EHD4: variants seen among roughly 807,000 people sequenced by gnomAD.
The protein encoded by EHD4 is EH domain-containing protein 4.
EHD4 carries 37 observed loss-of-function variants against 51.0 expected under a neutral mutation model. The observed-to-expected ratio is 0.73, with a 90% CI of 0.56 to 0.95. The LOEUF is 0.95. Among genes scored for constraint, EHD4 ranks in the 40% least tolerant of loss-of-function variants. The probability of loss-of-function intolerance (pLI) is 0.00; values close to 1 mark genes in which losing one functional copy is unlikely to be tolerated. For synonymous variants in EHD4, 297 were observed against 317.3 expected, an observed-to-expected ratio of 0.94 and a Z score of 0.68; for missense variants, 632 against 733.1, an observed-to-expected ratio of 0.86 and a Z score of 1.59.
chr15:41,919,131 C>T, intron 4 of EHD4, 79 bp downstream of exon 4: 1 of 1,573,256 alleles, frequency 6.4e-7, no homozygotes, highest in Non-Finnish European at 8.7e-7. Context: ...ACGAAGCCTC[C>T]TCCCACCCAT....
chr15:41,941,850 A>G (rs2140998694), intron 3 of EHD4: 1 of 152,310 alleles, frequency 6.6e-6, no homozygotes, highest in East Asian at 1.9e-4. Context: ...TCACTGGCCT[A>G]TGTAACTGCA....
At chr15:41,939,808 A>G (rs2067755396) in intron 3 of EHD4, among the ~76,000 whole-genome samples, 1 of 151,988 alleles carries the variant, frequency 6.6e-6, no homozygotes, top group South Asian at 2.1e-4. Flanking sequence ...AAAAAAAAAA[A>G]AAAAAGATTT....
chr15:41,946,477 C>T (rs1165093695), intron 2 of EHD4, among the ~76,000 whole-genome samples: 1 of 152,158 alleles, frequency 6.6e-6, no homozygotes, highest in Non-Finnish European at 1.5e-5. Flanking sequence ...TCCCTGTAAT[C>T]CCAGCACTTT....
At chr15:41,912,718 A>G (rs1416159482) in intron 4 of EHD4, among the ~76,000 whole-genome samples, 4 of 152,106 alleles carry the variant, frequency 2.6e-5, no homozygotes, top group African/African-American at 9.7e-5. Context: ...AAAATTCATC[A>G]AGTCACAAGG....
intron 1 of EHD4, among the ~76,000 whole-genome samples, chr15:41,965,643 A>G (rs1251072356): frequency 2.0e-5 from 3 of 152,192 alleles, no homozygotes; most frequent in Non-Finnish European, 4.4e-5. Context: ...GGGCCCTGGA[A>G]TCCGTGTCAA....
chr15:41,932,036 G>A (rs1021709937), intron 3 of EHD4, among the ~76,000 whole-genome samples: 4 of 151,872 alleles, frequency 2.6e-5, no homozygotes, highest in East Asian at 1.9e-4. Flanking sequence ...ATATTTGCAC[G>A]TTATCGTGCC....
chr15:41,929,101 T>C (rs956070556), intron 3 of EHD4, among the ~76,000 whole-genome samples: 8 of 152,182 alleles, frequency 5.3e-5, no homozygotes, highest in African/African-American at 1.9e-4. Flanking sequence ...TAGCCTAAAG[T>C]GGGTGTGGCC....
intron 2 of EHD4, among the ~76,000 whole-genome samples, chr15:41,952,998 C>CAAAAAAAAA (rs33930801): frequency 1.9e-4 from 13 of 69,088 alleles, no homozygotes; most frequent in Admixed American, 5.8e-4. Context: ...TTCCCCCCCG[C>CAAAAAAAAA]AAAAAAAAAA....
At chr15:41,947,419 T>C (rs1172265006) in intron 2 of EHD4, among the ~76,000 whole-genome samples, 1 of 152,182 alleles carries the variant, frequency 6.6e-6, no homozygotes, top group African/African-American at 2.4e-5. Context: ...CTCTGAGCAA[T>C]TCTACCAGGC....
intron 1 of EHD4, among the ~76,000 whole-genome samples, chr15:41,962,931 C>A (rs2067935405): frequency 6.6e-6 from 1 of 152,238 alleles, no homozygotes; most frequent in Non-Finnish European, 1.5e-5. Context: ...TAGGAGACTG[C>A]ATTTTGTTCT....
At chr15:41,967,571 C>T (rs927628701) in intron 1 of EHD4, among the ~76,000 whole-genome samples, 2 of 152,134 alleles carry the variant, frequency 1.3e-5, no homozygotes, top group African/African-American at 4.8e-5. Context: ...TTTTCAGGAG[C>T]CCCAGTATCT....
intron 3 of EHD4, among the ~76,000 whole-genome samples, chr15:41,934,309 GTTTT>G (rs145906559): frequency 7.1e-6 from 1 of 140,348 alleles, no homozygotes. Context: ...GTGCCAGGAA[GTTTT>G]TTTTTTTTTT....
At chr15:41,950,452 A>T (rs373250140) in intron 2 of EHD4, among the ~76,000 whole-genome samples, 17 of 152,244 alleles carry the variant, frequency 1.1e-4, no homozygotes, top group South Asian at 6.2e-4. Context: ...TAGGTGTTAC[A>T]TTTTGACCTA....
chr15:41,949,049 T>C (rs866823061), intron 2 of EHD4, among the ~76,000 whole-genome samples: 55 of 102,416 alleles, frequency 5.4e-4, no homozygotes, highest in South Asian at 3.6e-3. Context: ...TATATATATA[T>C]ATACACACAT....
intron 3 of EHD4, among the ~76,000 whole-genome samples, chr15:41,939,759 C>T (rs115420849): frequency 0.073 from 10,215 of 139,924 alleles, 413 homozygotes; most frequent in South Asian, 0.19. Flanking sequence ...CTCCATTGCA[C>T]TCCAGCTTTG....
intron 1 of EHD4, among the ~76,000 whole-genome samples, chr15:41,958,515 G>A (rs754824933): frequency 6.6e-6 from 1 of 151,850 alleles, no homozygotes; most frequent in Non-Finnish European, 1.5e-5. Flanking sequence ...TTTTTTCATT[G>A]CTTAGGCTAG....
intron 1 of EHD4, among the ~76,000 whole-genome samples, chr15:41,969,197 G>C (rs1486721906): frequency 6.6e-6 from 1 of 152,162 alleles, no homozygotes; most frequent in African/African-American, 2.4e-5. Flanking sequence ...ATTAGAATAA[G>C]TTTTCTGGGG....
intron 2 of EHD4, among the ~76,000 whole-genome samples, chr15:41,952,242 G>A (rs1253683070): frequency 6.6e-6 from 1 of 152,198 alleles, no homozygotes; most frequent in East Asian, 1.9e-4. Flanking sequence ...GAGGACAGCA[G>A]CCGGCTGGGA....
chr15:41,954,806 T>C (rs2724932), intron 1 of EHD4, among the ~76,000 whole-genome samples: 5,686 of 152,192 alleles, frequency 0.037, 359 homozygotes, highest in African/African-American at 0.13. Flanking sequence ...CCTAGCTAAT[T>C]TTTTGTAGAA....
Sources: gnomAD v4.1 joint callset for allele counts (sites outside exome capture counted in the v4.1 genomes callset) on GRCh38, gnomAD v4.1.1 for gene constraint, MANE v1.5 for transcripts, NCBI Gene and HGNC (gene_info 2026-07-23, HGNC 2026-07-21) for gene names.